Variants in HEATR9 observed in about 807,000 individuals in gnomAD.
The protein encoded by HEATR9 is HEAT repeat containing 9, also known as protein HEATR9.
In HEATR9, 54 loss-of-function variants were observed where a neutral mutation model predicts 68.2. The ratio of observed to expected loss-of-function variants is 0.79; its 90% CI spans 0.64 to 0.99. The LOEUF (loss-of-function observed/expected upper bound fraction) is 0.99. Among genes scored for constraint, HEATR9 ranks in the 50% least tolerant of loss-of-function variants. The pLI is 0.00. For synonymous variants in HEATR9, 241 were observed against 253.5 expected, an observed-to-expected ratio of 0.95 and a Z score of 0.47; for missense variants, 662 against 679.7, an observed-to-expected ratio of 0.97 and a Z score of 0.29.
At chr17:35,868,499 G>A in intron 1 of HEATR9, 156 bp downstream of exon 1, 1 of 1,351,578 alleles carries the variant, frequency 7.4e-7, no homozygotes, top group Non-Finnish European at 9.8e-7. Flanking sequence ...AGACCTTGAG[G>A]ACTGTGCAGA....
chr17:35,861,603 A>G (rs1011680770), intron 8 of HEATR9: 3 of 647,022 alleles, frequency 4.6e-6, no homozygotes, highest in African/African-American at 1.8e-5. Context: ...TTTCTTAACC[A>G]TGCCAAACAT....
In HEATR9 at chr17:35,861,739, C is replaced by T. The variant is rs1016219761; in HGVS notation, c.756+1256G>A. 7.2e-5 allele frequency among the ~76,000 whole-genome samples: 11 copies of T among 152,190 alleles called. No homozygotes were observed. The East Asian group carries it at 1.9e-3, about 27-fold the overall frequency. ...TTCTAAATGAGGCCTTCCCTGTCTACTGTATTTAACATTGCAACCCATCCC... is the reference window on the plus strand; with the variant it reads ...TTCTAAATGAGGCCTTCCCTGTCTATTGTATTTAACATTGCAACCCATCCC... On this transcript the variant is annotated intron_variant, in intron 8 of 14. Coordinates refer to ENST00000604834, the MANE Select transcript of HEATR9 (RefSeq NM_152781.4).
intron 8 of HEATR9, chr17:35,861,062 G>A (rs2087972031): frequency 1.2e-6 from 1 of 844,346 alleles, no homozygotes. Flanking sequence ...AAAAAGAAAT[G>A]GTTACAGAGA....
chr17:35,861,540 A>G (rs2087993395), intron 8 of HEATR9: 2 of 861,532 alleles, frequency 2.3e-6, no homozygotes, highest in East Asian at 2.4e-5. Context: ...TGGGCCTCGA[A>G]GAGAAATAAC....
In HEATR9 at chr17:35,866,787, T is replaced by A. The variant is rs761637621; in HGVS notation, c.89-14A>T. 1.2e-6 allele frequency: 2 copies of A among 1,613,280 alleles called. No individual in the cohort carries two copies. Among genetic ancestry groups the A allele is most frequent in the Non-Finnish European group, 1.7e-6 (2 of 1,179,292 alleles). On this transcript the variant is annotated splice_polypyrimidine_tract_variant and intron_variant, in intron 1 of 14. Coordinates refer to ENST00000604834, the MANE Select transcript of HEATR9 (RefSeq NM_152781.4). ...CTTTTCTGAGTTCTGGCAAGAGGGA[T>A]AAGAGTATGTGTGTGGTTCAAATGA...
chr17:35,862,620 T>G, intron 8 of HEATR9, among the ~76,000 whole-genome samples: 1 of 152,240 alleles, frequency 6.6e-6, no homozygotes. Context: ...TACAATGACG[T>G]CCCATGGATG....
Position 35,864,781 on chromosome 17 carries a change from G to A in HEATR9, c.430C>T (p.Pro144Ser). The A allele has an allele frequency of 1.9e-6, 3 of 1,614,146 alleles. No homozygotes were observed. Among genetic ancestry groups the A allele is most frequent in the African/African-American group, 1.3e-5 (1 of 75,028 alleles). Reference sequence around the variant, plus strand: ...ACCCTTAATCTTTGCCACTTCAGGGGGTCCTGGGTAGGCTCTAAGGGCCTG... The same window carrying A: ...ACCCTTAATCTTTGCCACTTCAGGGAGTCCTGGGTAGGCTCTAAGGGCCTG... ...RSRPLEPTQD[P>S]LKWQRLRELT... The change falls in exon 4 of 15, where the codon CCC (proline) becomes TCC (serine). Residue 144 changes from proline to serine, a missense_variant. Pro to Ser is a moderately conservative substitution (Grantham distance 74). Coordinates refer to ENST00000604834, the MANE Select transcript of HEATR9 (RefSeq NM_152781.4).
In HEATR9 at chr17:35,868,766, G is replaced by A. The variant is rs1668811322; in HGVS notation, c.-24C>T. The A allele has an allele frequency of 5.6e-6, 9 of 1,612,316 alleles. No individual in the cohort carries two copies. The highest frequency in any genetic ancestry group is 5.9e-6 in the Non-Finnish European group (7 of 1,178,432). ...ATCTTCTTCTCCTGGTGGGGCCAGA[G>A]GGAACCTGCAGGGGGGAATACAAGG... On this transcript the variant is annotated 5_prime_UTR_variant, in exon 1 of 15. Transcript: ENST00000604834.
In HEATR9 at chr17:35,866,740, G is replaced by A; in HGVS notation, c.122C>T (p.Pro41Leu). 6.2e-7 allele frequency: 1 copy of A among 1,614,090 alleles called. No homozygotes were observed. Among genetic ancestry groups the A allele is most frequent in the Non-Finnish European group, 8.5e-7 (1 of 1,179,972 alleles). Residue 41 changes from proline (P) to leucine (L), a missense_variant, in exon 2 of 15, where the codon CCC (proline) becomes CTC (leucine). Pro to Leu is a moderately conservative substitution (Grantham distance 98). Coordinates refer to ENST00000604834, the MANE Select transcript of HEATR9 (RefSeq NM_152781.4). ...GGGTCTTACCTGGTAGCAGGACAAG[G>A]GCAGATGAACAGGAGCCATGGCTTT... ...LRKAMAPVHL[P>L]LSCYQMPKEE...
At chr17:35,860,052 T>C (rs1390515681) in intron 8 of HEATR9, among the ~76,000 whole-genome samples, 3 of 152,146 alleles carry the variant, frequency 2.0e-5, no homozygotes, top group Non-Finnish European at 4.4e-5. Context: ...TCTCCACTTG[T>C]GTCTTAGACC....
rs1303796847 is a variant in HEATR9 at position 35,860,479 on chromosome 17, T to TTTATTTATTTA, written c.757-1410_757-1409insTAAATAAATAA. Among the ~76,000 whole-genome samples the TTTATTTATTTA allele has an allele frequency of 1.7e-3, 158 of 94,140 alleles. 2 individuals are homozygous for TTTATTTATTTA. Among genetic ancestry groups the TTTATTTATTTA allele is most frequent in the African/African-American group, 7.3e-3 (154 of 21,086 alleles). 61.8% of individuals were successfully genotyped at this position (94,140 alleles called of 152,430 possible). Reference sequence around the variant, plus strand: ...ATTTATTTATTTATTTATTTATTTATTTTATTTATTTATTTATTTATTTAT... The same window carrying TTTATTTATTTA: ...ATTTATTTATTTATTTATTTATTTATTTATTTATTTATTTATTTATTTATTTATTTATTTAT... On this transcript the variant is annotated intron_variant, in intron 8 of 14. Transcript: ENST00000604834.
In HEATR9 at chr17:35,863,058, C is replaced by A. The variant is rs575054667; in HGVS notation, c.693G>T (p.Arg231Ser). 6.2e-7 allele frequency: 1 copy of A among 1,614,190 alleles called. No individual in the cohort carries two copies. Among genetic ancestry groups the A allele is most frequent in the African/African-American group, 1.3e-5 (1 of 75,044 alleles). The part of the protein sequence containing the change: ...KQLKEKNEGQ[R>S]METLTGLRMA... ...TTCGTAGCCCCGTCAAAGTCTCCAT[C>A]CTTTGACCCTCATTTTTCTCCTTCA... is the stretch of plus-strand genomic sequence containing the variant. The change falls in exon 8 of 15, where the codon AGG becomes AGT. Residue 231 changes from arginine (R) to serine (S), a missense_variant. By Grantham distance (110) the Arg-to-Ser change is moderately radical. Transcript: ENST00000604834.
chr17:35,862,594 C>T (rs2088033759), intron 8 of HEATR9, among the ~76,000 whole-genome samples: 1 of 152,218 alleles, frequency 6.6e-6, no homozygotes, highest in African/African-American at 2.4e-5. Flanking sequence ...CAGACAATTA[C>T]AGATGCTCCT....
chr17:35,868,475 T>A, intron 1 of HEATR9, 180 bp downstream of exon 1: 1 of 1,171,310 alleles, frequency 8.5e-7, no homozygotes, highest in East Asian at 2.6e-5. Context: ...CTGTAGGCCC[T>A]GCTGAGGAGC....
rs139294415 is a variant in HEATR9, at chr17:35,864,420, C to T, written c.510+77G>A. The stretch of plus-strand genomic sequence containing the variant: ...AATACCATCCCCACAACCACCATCA[C>T]GTCAAGCAGCTTTTTACTTTCCAGC... On this transcript the variant is annotated intron_variant, in intron 5 of 14. Transcript: ENST00000604834. The T allele has an allele frequency of 8.4e-4, 1,305 of 1,556,098 alleles. 9 individuals carry two copies. In the African/African-American group the frequency reaches 0.014, roughly 16 times the overall value.
rs1390144044 is a variant in HEATR9 at position 35,855,312 on chromosome 17, A to G, written c.1464T>C (p.Asn488=). The change falls in exon 15 of 15, where the codon AAT becomes AAC. Residue 488 remains asparagine (N), a synonymous_variant. Coordinates refer to ENST00000604834, the MANE Select transcript of HEATR9 (RefSeq NM_152781.4). ...VLSVYEAPKT[N]VKAEPTRFQK... The stretch of plus-strand genomic sequence containing the variant: ...GGAACCTTGTGGGCTCTGCCTTCAC[A>G]TTGGTCTTAGGTGCCTCATATACAG... The G allele has an allele frequency of 3.1e-6, 5 of 1,614,030 alleles. No individual in the cohort carries two copies. Among genetic ancestry groups the G allele is most frequent in the South Asian group, 2.2e-5 (2 of 91,080 alleles).
In HEATR9 at chr17:35,864,479, A is replaced by G. The variant is rs746165171; in HGVS notation, c.510+18T>C. Reference sequence around the variant, plus strand: ...CTCCTGGCTGTAACCACCCTCCTCTATCCTTGCCTCTTCTCACCTGTGCTG... The same window carrying G: ...CTCCTGGCTGTAACCACCCTCCTCTGTCCTTGCCTCTTCTCACCTGTGCTG... On this transcript the variant is annotated intron_variant, in intron 5 of 14. Coordinates refer to ENST00000604834, the MANE Select transcript of HEATR9 (RefSeq NM_152781.4). The G allele has an allele frequency of 2.5e-6, 4 of 1,612,500 alleles. No homozygotes were observed. The highest frequency in any genetic ancestry group is 8.5e-7 in the Non-Finnish European group (1 of 1,179,260).
At chr17:35,855,928 A>G (rs1260454367) in intron 13 of HEATR9, among the ~76,000 whole-genome samples, 178 bp from the exon 14 acceptor site, 1 of 152,124 alleles carries the variant, frequency 6.6e-6, no homozygotes, top group African/African-American at 2.4e-5. Flanking sequence ...TTTAATGCCC[A>G]TTATTTGCTA....
At position 35,864,252 on chromosome 17, in the gene HEATR9, C is replaced by G. The variant is rs777466904; in HGVS notation, c.561G>C (p.Gln187His). 6.2e-7 allele frequency: 1 copy of G among 1,610,994 alleles called. No individual in the cohort carries two copies. The highest frequency in any genetic ancestry group is 1.1e-5 in the South Asian group (1 of 91,018). Residue 187 changes from glutamine (Q) to histidine (H), a missense_variant, in exon 6 of 15, where the codon CAG (glutamine) becomes CAC (histidine). Transcript: ENST00000604834. ...CAGCAGTTCTCAGACTCACCACCTG[C>G]TGTAGTGCCTCCATGACAAACTTGT... ...ISDKFVMEAL[Q>H]QVAQTGPEKV... is the part of the protein sequence containing the mutation.
Sources: allele counts gnomAD v4.1 joint callset (sites outside exome capture counted in the v4.1 genomes callset), GRCh38; gene constraint gnomAD v4.1.1; transcripts MANE v1.5; gene names NCBI Gene and HGNC (gene_info 2026-07-23, HGNC 2026-07-21).